The following MEGF6 variants were observed in gnomAD, a reference collection of about 807,000 sequenced individuals.
MEGF6 encodes the protein multiple epidermal growth factor-like domains protein 6.
MEGF6 carries 184 observed loss-of-function variants against 207.1 expected under a neutral mutation model. That is an observed-to-expected ratio of 0.89 (90% CI 0.79 to 1.00). The LOEUF is 1.00. Ranked by LOEUF, MEGF6 falls within the 50% of genes least tolerant of loss-of-function variation. The probability of loss-of-function intolerance (pLI) is 0.00; values close to 1 mark genes in which losing one functional copy is unlikely to be tolerated. For missense variants in MEGF6, 2,282 were observed against 2,202.9 expected, an observed-to-expected ratio of 1.04 and a Z score of -0.72; for synonymous variants, 1,038 against 910.0, an observed-to-expected ratio of 1.14 and a Z score of -2.53.
chr1:3,596,926 C>T (rs1329228859), intron 2 of MEGF6, among the ~76,000 whole-genome samples: 3 of 152,192 alleles, frequency 2.0e-5, no homozygotes, highest in Non-Finnish European at 4.4e-5. Flanking sequence ...ACAGCCCCAT[C>T]CCGGGGCTCG....
chr1:3,620,516 A>G, the MEGF6 span, among the ~76,000 whole-genome samples: 2 of 152,224 alleles, frequency 1.3e-5, no homozygotes, highest in Non-Finnish European at 2.9e-5. Context: ...CAGAGGATGT[A>G]TGGAAACACC....
chr1:3,513,033 C>T (rs1322828683), intron 7 of MEGF6, among the ~76,000 whole-genome samples: 1 of 152,118 alleles, frequency 6.6e-6, no homozygotes, highest in Non-Finnish European at 1.5e-5. Context: ...GAGGGGGCAG[C>T]GGTGTGTTCC....
intron 2 of MEGF6, among the ~76,000 whole-genome samples, chr1:3,598,095 C>A (rs534628435): frequency 3.7e-4 from 57 of 152,356 alleles, no homozygotes; most frequent in Admixed American, 7.2e-4. Flanking sequence ...CCACAGCCAG[C>A]CACCCTCCCC....
chr1:3,591,507 G>A (rs907626662), intron 3 of MEGF6, among the ~76,000 whole-genome samples: 10 of 152,182 alleles, frequency 6.6e-5, no homozygotes, highest in Non-Finnish European at 1.2e-4. Flanking sequence ...ACTGTATACA[G>A]GCACCAAGCA....
intron 14 of MEGF6, 134 bp from the exon 15 acceptor site, chr1:3,506,370 T>A: frequency 8.7e-7 from 1 of 1,156,040 alleles, no homozygotes; most frequent in Non-Finnish European, 1.2e-6. Context: ...GGGCACTAGG[T>A]GAGCCTTCCG....
In MEGF6 at chr1:3,591,623, GTT is replaced by G. The variant is rs1482038401; in HGVS notation, c.376+3713_376+3714del. 5.4e-3 allele frequency among the ~76,000 whole-genome samples: 814 copies of G among 151,336 alleles called. 39 individuals carry two copies. The highest frequency in any genetic ancestry group is 0.024 in the South Asian group (113 of 4,738). The stretch of plus-strand genomic sequence containing the variant: ...TGATGGGGGCGCGGGCGAGGGGGCT[GTT>G]GGGGGCTGCTACCAAGGTCTCAGAG... On this transcript the variant is annotated intron_variant, in intron 3 of 36. Coordinates refer to ENST00000356575, the MANE Select transcript of MEGF6 (RefSeq NM_001409.4).
chr1:3,493,963 G>A (rs759894987), intron 33 of MEGF6, 33 bp downstream of exon 33: 1 of 1,584,612 alleles, frequency 6.3e-7, no homozygotes, highest in South Asian at 1.1e-5. Context: ...CGGGGCCAGG[G>A]AGCGGGGGTT....
intron 30 of MEGF6, 32 bp from the exon 31 acceptor site, chr1:3,494,773 T>G: frequency 6.5e-7 from 1 of 1,529,768 alleles, no homozygotes; most frequent in East Asian, 2.4e-5. Flanking sequence ...TGCCTGGAGC[T>G]CTGGCCGAGG....
At chr1:3,553,556 C>T (rs532066707) in intron 4 of MEGF6, among the ~76,000 whole-genome samples, 23 of 152,318 alleles carry the variant, frequency 1.5e-4, no homozygotes, top group Non-Finnish European at 2.5e-4. Flanking sequence ...GAGCCAAGTC[C>T]GCCCACTGGG....
intron 4 of MEGF6, among the ~76,000 whole-genome samples, chr1:3,525,051 C>A (rs1353511647): frequency 3.3e-5 from 5 of 152,210 alleles, no homozygotes; most frequent in Non-Finnish European, 7.3e-5. Flanking sequence ...TAGTTTGTAG[C>A]CACCCCGTTT....
At chr1:3,501,429 G>T (rs1353352278) in intron 18 of MEGF6, 121 bp from the exon 19 acceptor site, 3 of 1,394,914 alleles carry the variant, frequency 2.2e-6, no homozygotes, top group Non-Finnish European at 2.9e-6. Context: ...TACCATCTCA[G>T]CCTGCCCCGG....
chr1:3,546,380 C>A (rs943240419), intron 4 of MEGF6, among the ~76,000 whole-genome samples: 3 of 152,242 alleles, frequency 2.0e-5, no homozygotes, highest in African/African-American at 7.2e-5. Flanking sequence ...CTTCCTCCTG[C>A]ATGGCCCCCA....
chr1:3,595,627 G>A (rs1263440454), intron 2 of MEGF6, among the ~76,000 whole-genome samples, 180 bp from the exon 3 acceptor site: 2 of 152,332 alleles, frequency 1.3e-5, no homozygotes, highest in South Asian at 2.1e-4. Flanking sequence ...TTCTGAACGA[G>A]GGGGCAGCAT....
In MEGF6 at chr1:3,536,209, C is replaced by T. The variant is rs144318018; in HGVS notation, c.482-11963G>A. On this transcript the variant is annotated intron_variant, in intron 4 of 36. Coordinates refer to ENST00000356575, the MANE Select transcript of MEGF6 (RefSeq NM_001409.4). ...CCTCTGCAAAGCCTCCCCAGCTGGC[C>T]GGCCCACCCTAGGCTGGACCCCCCT... 3.3e-3 allele frequency among the ~76,000 whole-genome samples: 497 copies of T among 152,306 alleles called. 6 individuals carry two copies. The highest frequency in any genetic ancestry group is 5.1e-3 in the Non-Finnish European group (348 of 68,022).
intron 4 of MEGF6, among the ~76,000 whole-genome samples, chr1:3,549,354 C>G (rs1250176685): frequency 1.3e-5 from 2 of 152,222 alleles, no homozygotes; most frequent in African/African-American, 4.8e-5. Flanking sequence ...GACTGATGCC[C>G]CATGGCCACA....
At chr1:3,553,221 G>T (rs2101600866) in intron 4 of MEGF6, among the ~76,000 whole-genome samples, 1 of 151,090 alleles carries the variant, frequency 6.6e-6, no homozygotes, top group African/African-American at 2.4e-5. Context: ...TGAGGATGGG[G>T]ATCCACGGCC....
At chr1:3,540,805 C>T (rs1322463335) in intron 4 of MEGF6, among the ~76,000 whole-genome samples, 3 of 152,220 alleles carry the variant, frequency 2.0e-5, no homozygotes, top group African/African-American at 7.2e-5. Flanking sequence ...GGCCTCCTCA[C>T]TGCCTACGAG....
intron 1 of MEGF6, among the ~76,000 whole-genome samples, chr1:3,604,235 C>T (rs1340501721): frequency 6.6e-6 from 1 of 152,200 alleles, no homozygotes; most frequent in Non-Finnish European, 1.5e-5. Flanking sequence ...CACACTCTCC[C>T]GCAGTTTCCC....
intron 3 of MEGF6, among the ~76,000 whole-genome samples, chr1:3,585,062 C>G (rs1478741022): frequency 6.1e-5 from 9 of 147,238 alleles, no homozygotes; most frequent in Non-Finnish European, 1.4e-4. Flanking sequence ...GTGAGTGACA[C>G]GTGTCCTATG....
Sources: gnomAD v4.1 joint callset for allele counts (sites outside exome capture counted in the v4.1 genomes callset) on GRCh38, gnomAD v4.1.1 for gene constraint, MANE v1.5 for transcripts, NCBI Gene and HGNC (gene_info 2026-07-23, HGNC 2026-07-21) for gene names.